The following ROBO1 variants were observed in gnomAD, a reference collection of about 807,000 sequenced individuals.
ROBO1 encodes roundabout homolog 1.
In ROBO1, 149 loss-of-function variants were observed where a neutral mutation model predicts 195.9. That is an observed-to-expected ratio of 0.76 (90% CI 0.67 to 0.87). The LOEUF (loss-of-function observed/expected upper bound fraction) is 0.87, where lower values mean the gene tolerates loss of function less well. Ranked by LOEUF, ROBO1 falls within the 40% of genes least tolerant of loss-of-function variation. The pLI is 0.00. For synonymous variants in ROBO1, 816 were observed against 733.2 expected, an observed-to-expected ratio of 1.11 and a Z score of -1.82; for missense variants, 1,933 against 2,068.3, an observed-to-expected ratio of 0.93 and a Z score of 1.27.
intron 1 of ROBO1, among the ~76,000 whole-genome samples, chr3:79,751,299 A>T (rs914192344): frequency 1.3e-5 from 2 of 152,206 alleles, no homozygotes; most frequent in African/African-American, 4.8e-5. Context: ...TCTTGAATAC[A>T]TGTAAATTCA....
At chr3:79,505,937 A>G (rs1325650378) in intron 2 of ROBO1, among the ~76,000 whole-genome samples, 1 of 152,172 alleles carries the variant, frequency 6.6e-6, no homozygotes, top group African/African-American at 2.4e-5. Context: ...GTGTATGTAG[A>G]TGCACAGAGG....
chr3:79,248,721 A>G (rs980189847), intron 2 of ROBO1, among the ~76,000 whole-genome samples: 1 of 152,128 alleles, frequency 6.6e-6, no homozygotes, highest in African/African-American at 2.4e-5. Context: ...TGCTCTAAAG[A>G]GGTGATAGAA....
chr3:79,366,695 C>T (rs892193048), intron 2 of ROBO1, among the ~76,000 whole-genome samples: 8 of 152,172 alleles, frequency 5.3e-5, no homozygotes, highest in African/African-American at 1.9e-4. Context: ...ATTTAATTAA[C>T]ACATGAACGA....
At chr3:78,665,992 C>T (rs1443026023) in intron 14 of ROBO1, among the ~76,000 whole-genome samples, 1 of 151,990 alleles carries the variant, frequency 6.6e-6, no homozygotes, top group Non-Finnish European at 1.5e-5. Context: ...GGGAGGGTCT[C>T]GGTAGGAGGT....
At chr3:78,882,288 T>C (rs1187691098) in intron 4 of ROBO1, among the ~76,000 whole-genome samples, 1 of 152,188 alleles carries the variant, frequency 6.6e-6, no homozygotes, top group East Asian at 1.9e-4. Flanking sequence ...AAGAAATTGA[T>C]AGTGAAATGA....
chr3:79,764,029 T>C (rs1704852937), intron 1 of ROBO1, among the ~76,000 whole-genome samples: 1 of 152,230 alleles, frequency 6.6e-6, no homozygotes, highest in African/African-American at 2.4e-5. Flanking sequence ...TAATCCTGGC[T>C]CTGCCCCTTT....
chr3:79,003,992 G>A (rs1055048527), intron 3 of ROBO1, among the ~76,000 whole-genome samples: 1 of 152,134 alleles, frequency 6.6e-6, no homozygotes, highest in African/African-American at 2.4e-5. Flanking sequence ...TCCAAGACAT[G>A]TTTTTCTCCT....
intron 1 of ROBO1, among the ~76,000 whole-genome samples, chr3:79,677,189 T>C (rs1946807661): frequency 6.6e-6 from 1 of 151,950 alleles, no homozygotes; most frequent in Non-Finnish European, 1.5e-5. Context: ...AGTTCCATAA[T>C]TAAACTACAT....
At chr3:79,367,811 A>T (rs971668197) in intron 2 of ROBO1, among the ~76,000 whole-genome samples, 1 of 152,112 alleles carries the variant, frequency 6.6e-6, no homozygotes, top group African/African-American at 2.4e-5. Context: ...GCTTAATATC[A>T]TTTTCCTTTA....
At chr3:78,947,250 C>CA (rs1292731566) in intron 3 of ROBO1, among the ~76,000 whole-genome samples, 1 of 152,102 alleles carries the variant, frequency 6.6e-6, no homozygotes, top group Non-Finnish European at 1.5e-5. Context: ...ACACCTACTC[C>CA]AAAACTGACC....
chr3:79,605,193 C>T (rs1011551545), intron 1 of ROBO1, among the ~76,000 whole-genome samples: 1 of 151,684 alleles, frequency 6.6e-6, no homozygotes, highest in Non-Finnish European at 1.5e-5. Flanking sequence ...TCATATACTC[C>T]TTGTTTTCCT....
intron 18 of ROBO1, among the ~76,000 whole-genome samples, chr3:78,654,529 A>AT (rs1209707090): frequency 2.6e-5 from 4 of 152,146 alleles, no homozygotes; most frequent in Admixed American, 6.5e-5. Context: ...TATAGATTTC[A>AT]TGGCTATTTG....
intron 2 of ROBO1, among the ~76,000 whole-genome samples, chr3:79,381,355 C>CAAAAAAAAAAAAAAA (rs61680946): frequency 1.2e-4 from 7 of 60,714 alleles, no homozygotes; most frequent in South Asian, 7.3e-4. Context: ...AACTCCGTCT[C>CAAAAAAAAAAAAAAA]AAAAAAAAAA....
chr3:79,369,889 A>G (rs1415572802), intron 2 of ROBO1, among the ~76,000 whole-genome samples: 1 of 152,192 alleles, frequency 6.6e-6, no homozygotes, highest in East Asian at 1.9e-4. Context: ...AGTAGTTACT[A>G]ACTTGAAAGT....
intron 2 of ROBO1, among the ~76,000 whole-genome samples, chr3:79,373,063 C>T (rs987167932): frequency 2.6e-5 from 4 of 151,994 alleles, no homozygotes; most frequent in South Asian, 2.1e-4. Flanking sequence ...ATTTTTGAAA[C>T]GACCCAATCT....
chr3:79,667,651 G>T (rs1412238632), intron 1 of ROBO1, among the ~76,000 whole-genome samples: 1 of 151,630 alleles, frequency 6.6e-6, no homozygotes, highest in African/African-American at 2.4e-5. Context: ...TTATTTCAGA[G>T]AAAATATGAT....
intron 1 of ROBO1, among the ~76,000 whole-genome samples, chr3:79,678,904 T>C (rs72895931): frequency 0.013 from 1,935 of 152,208 alleles, 45 homozygotes; most frequent in African/African-American, 0.044. Context: ...GTATATTTTG[T>C]TCCATGCTCT....
chr3:79,216,291 T>A (rs565803047), intron 2 of ROBO1, among the ~76,000 whole-genome samples: 2 of 152,242 alleles, frequency 1.3e-5, no homozygotes, highest in South Asian at 4.1e-4. Context: ...AGATCACAGA[T>A]ATGCTTCAGG....
intron 8 of ROBO1, among the ~76,000 whole-genome samples, chr3:78,695,441 C>G (rs1362784187): frequency 6.6e-6 from 1 of 151,666 alleles, no homozygotes; most frequent in East Asian, 1.9e-4. Flanking sequence ...CTGGCTAATA[C>G]AGTGAAACCC....
Sources: allele counts gnomAD v4.1 joint callset (sites outside exome capture counted in the v4.1 genomes callset), GRCh38; gene constraint gnomAD v4.1.1; transcripts MANE v1.5; gene names NCBI Gene and HGNC (gene_info 2026-07-23, HGNC 2026-07-21).